AVEN: variants seen among roughly 807,000 people sequenced by gnomAD.
AVEN encodes cell death regulator Aven.
A neutral mutation model predicts 38.1 loss-of-function variants in AVEN; 41 were observed. The ratio of observed to expected loss-of-function variants is 1.08; its 90% confidence interval spans 0.84 to 1.40. The LOEUF is 1.40. Among genes scored for constraint, AVEN ranks in the 40% most tolerant of loss-of-function variants. The pLI, the probability that AVEN is intolerant of heterozygous loss-of-function variation, is 0.00. For missense variants in AVEN, 605 were observed against 438.8 expected (o/e 1.38, Z -3.38); for synonymous variants, 206 against 171.8 (o/e 1.20, Z -1.56).
chr15:34,024,117 T>C (rs1329796094), intron 1 of AVEN, among the ~76,000 whole-genome samples: 1 of 152,110 alleles, frequency 6.6e-6, no homozygotes, highest in Non-Finnish European at 1.5e-5. Context: ...ACAACAAATA[T>C]CTACTGAGAG....
chr15:33,937,932 CAAAAAA>C (rs55887919), intron 2 of AVEN, among the ~76,000 whole-genome samples: 2 of 100,856 alleles, frequency 2.0e-5, no homozygotes, highest in African/African-American at 3.4e-5. Context: ...CCTACTTGAC[CAAAAAA>C]AAAAAAAAAA....
At chr15:33,881,599 A>C (rs938980861) in intron 2 of AVEN, among the ~76,000 whole-genome samples, 24 of 152,240 alleles carry the variant, frequency 1.6e-4, no homozygotes, top group African/African-American at 5.5e-4. Context: ...CAAACCTGAA[A>C]CTATGAATCC....
intron 2 of AVEN, among the ~76,000 whole-genome samples, chr15:33,939,158 CG>C (rs1230955635): frequency 6.6e-5 from 10 of 152,254 alleles, no homozygotes; most frequent in Admixed American, 3.3e-4. Flanking sequence ...TTTCTTTCAA[CG>C]GCACTGCCAT....
intron 2 of AVEN, among the ~76,000 whole-genome samples, chr15:33,962,324 TTC>T (rs1055358904): frequency 3.9e-5 from 6 of 152,190 alleles, no homozygotes; most frequent in African/African-American, 1.4e-4. Flanking sequence ...TTGTTCAATA[TTC>T]TCTCTTGATT....
At chr15:34,037,905 TAAG>T (rs1191130155) in intron 1 of AVEN, among the ~76,000 whole-genome samples, 1 of 152,144 alleles carries the variant, frequency 6.6e-6, no homozygotes, top group Non-Finnish European at 1.5e-5. Flanking sequence ...TCAGTGTGCA[TAAG>T]AATGCAGAAT....
chr15:33,866,854 G>T (rs546036995), intron 5 of AVEN, 126 bp from the exon 6 acceptor site: 1 of 679,232 alleles, frequency 1.5e-6, no homozygotes, highest in Non-Finnish European at 2.5e-6. Context: ...TCCCTAAGAT[G>T]ATACAGTAAT....
At position 34,039,089 on chromosome 15, in the gene AVEN, C is replaced by T. The variant is rs112609265; in HGVS notation, c.-43G>A. ...TGCTGAGCGCGCGGGAGCCGAGCTG[C>T]GGCGGAGACGCCCTGGCCCCACCGG... On this transcript the variant is annotated 5_prime_UTR_variant, in exon 1 of 6. Coordinates refer to ENST00000306730, the MANE Select transcript of AVEN (RefSeq NM_020371.3). 0.18 allele frequency: 193,475 copies of T among 1,072,778 alleles called. 18,866 individuals are homozygous for T. The highest frequency in any genetic ancestry group is 0.27 in the Middle Eastern group (641 of 2,380). 66.5% of individuals were successfully genotyped at this position (1,072,778 alleles called of 1,614,324 possible).
In AVEN at chr15:33,867,791, C is replaced by T. The variant is rs779312581; in HGVS notation, c.677G>A (p.Gly226Glu). 3 of 1,613,400 alleles carry T rather than the reference C, an allele frequency of 1.9e-6. No homozygotes were observed. In the East Asian group the frequency reaches 6.7e-5, roughly 36 times the overall value. The change falls in exon 5 of 6, where the codon GGG becomes GAG. Residue 226 changes from glycine to glutamate, a missense_variant. By Grantham distance (98) the Gly-to-Glu change is moderately conservative. Transcript: ENST00000306730. The stretch of plus-strand genomic sequence containing the variant: ...CCCCAAGGGCCCCTTTAACTGCATC[C>T]CTAATCCCTTGCCATCATCAGTTCT... ...PKRTDDGKGL[G>E]MQLKGPLGPG...
intron 5 of AVEN, among the ~76,000 whole-genome samples, chr15:34,058,268 T>G (rs1377945630): frequency 6.6e-6 from 1 of 152,156 alleles, no homozygotes; most frequent in African/African-American, 2.4e-5. Context: ...ACAAAACAAC[T>G]GGGTACTGTA....
At chr15:33,926,392 T>C (rs1234973862) in intron 2 of AVEN, among the ~76,000 whole-genome samples, 1 of 152,140 alleles carries the variant, frequency 6.6e-6, no homozygotes, top group Non-Finnish European at 1.5e-5. Context: ...GGCAGCTCTA[T>C]TAGGATTTGA....
At position 33,969,763 on chromosome 15, in the gene AVEN, C is replaced by T. The variant is rs889498823; in HGVS notation, c.445+33269G>A. ...ACTAAATGAAGACATTTTTCTGATT[C>T]AACAAGAGGATAAAAAGATGAAAGA... is the stretch of plus-strand genomic sequence containing the variant. On this transcript the variant is annotated intron_variant, in intron 2 of 5. Coordinates refer to ENST00000306730, the MANE Select transcript of AVEN (RefSeq NM_020371.3). Among the ~76,000 whole-genome samples, 5 of 151,908 alleles carry T rather than the reference C, an allele frequency of 3.3e-5. No homozygotes were observed. In the East Asian group the frequency reaches 9.6e-4, roughly 29 times the overall value.
At chr15:33,954,315 G>A (rs1456479943) in intron 2 of AVEN, among the ~76,000 whole-genome samples, 4 of 152,172 alleles carry the variant, frequency 2.6e-5, no homozygotes. Flanking sequence ...TATACCCAAA[G>A]GATTATAAAT....
intron 2 of AVEN, among the ~76,000 whole-genome samples, chr15:33,983,299 T>C (rs1047527552): frequency 2.6e-5 from 4 of 151,746 alleles, no homozygotes; most frequent in Non-Finnish European, 5.9e-5. Flanking sequence ...ATAAGCTTTT[T>C]GTAACTGATT....
In AVEN at chr15:34,069,712, C is replaced by T. The variant is rs571307885; in HGVS notation, n.784+876G>A. Among the ~76,000 whole-genome samples, 5 of 152,254 alleles carry T rather than the reference C, an allele frequency of 3.3e-5. No homozygotes were observed. The South Asian group carries it at 1.0e-3, about 32-fold the overall frequency. On this transcript the variant is annotated intron_variant and non_coding_transcript_variant, in intron 2 of 11. Coordinates refer to the AVEN transcript ENST00000675287. ...TTTATCTTCAGATTGAAGGGATATACTCAGATTACTATGCTCAATAATTGC... is the reference window on the plus strand; with the variant it reads ...TTTATCTTCAGATTGAAGGGATATATTCAGATTACTATGCTCAATAATTGC...
intron 2 of AVEN, among the ~76,000 whole-genome samples, chr15:33,889,865 G>T (rs1343697897): frequency 6.6e-6 from 1 of 152,150 alleles, no homozygotes; most frequent in Non-Finnish European, 1.5e-5. Context: ...AGAAAATCGG[G>T]CATACCATTA....
Position 33,866,550 on chromosome 15 carries a change from C to G in AVEN, c.*63G>C. 1 of 1,268,906 alleles carries G rather than the reference C, an allele frequency of 7.9e-7. No homozygotes were observed. Among genetic ancestry groups the G allele is most frequent in the Non-Finnish European group, 1.1e-6 (1 of 872,596 alleles). 78.6% of individuals were successfully genotyped at this position (1,268,906 alleles called of 1,614,324 possible). Reference sequence around the variant, plus strand: ...TAAACTGGCTGGTCCTGAAGGACAGCCTTATGCCCACCTGCCGTTAGAAGG... The same window carrying G: ...TAAACTGGCTGGTCCTGAAGGACAGGCTTATGCCCACCTGCCGTTAGAAGG... On this transcript the variant is annotated 3_prime_UTR_variant, in exon 6 of 6. Transcript: ENST00000306730.
intron 2 of AVEN, chr15:34,066,837 A>G (rs1597397791): frequency 6.6e-6 from 1 of 151,338 alleles, no homozygotes; most frequent in African/African-American, 2.4e-5. Flanking sequence ...AGAGAGAGAG[A>G]GGTCAATGCT....
chr15:34,042,554 C>A (rs143798911), upstream of AVEN, among the ~76,000 whole-genome samples: 1,682 of 151,924 alleles, frequency 0.011, 9 homozygotes, highest in Non-Finnish European at 0.016. Context: ...GCATGCACCA[C>A]CACGCCCGGC....
intron 2 of AVEN, chr15:33,972,126 T>C (rs927002875): frequency 6.6e-6 from 1 of 152,276 alleles, no homozygotes. Context: ...AAAAGTACCA[T>C]CTCACAGTTT....
Sources: gnomAD v4.1 joint callset for allele counts (sites outside exome capture counted in the v4.1 genomes callset) on GRCh38, gnomAD v4.1.1 for gene constraint, MANE v1.5 for transcripts, NCBI Gene and HGNC (gene_info 2026-07-23, HGNC 2026-07-21) for gene names.